FAM107B: variants seen among roughly 807,000 people sequenced by gnomAD.
The protein encoded by FAM107B is protein FAM107B.
FAM107B carries 21 observed loss-of-function variants against 31.5 expected under a neutral mutation model. The observed-to-expected ratio is 0.67, with a 90% CI of 0.47 to 0.96. The LOEUF is 0.96. Ranked by LOEUF, FAM107B falls within the 40% of genes least tolerant of loss-of-function variation. FAM107B has a pLI of 0.00. For synonymous variants in FAM107B, 157 were observed against 141.5 expected (o/e 1.11, Z -0.78); for missense variants, 452 against 377.1 (o/e 1.20, Z -1.64).
intron 2 of FAM107B, chr10:14,556,344 A>T (rs1849698443): frequency 2.0e-6 from 2 of 985,428 alleles, no homozygotes; most frequent in Non-Finnish European, 2.4e-6. Context: ...AATGCACAGA[A>T]GATCTAGAAA....
intron 1 of FAM107B, among the ~76,000 whole-genome samples, chr10:14,735,458 G>T (rs1430282711): frequency 6.6e-6 from 1 of 152,140 alleles, no homozygotes; most frequent in Non-Finnish European, 1.5e-5. Context: ...AAAGTCAATT[G>T]GTGGCCTCCA....
chr10:14,711,689 G>T (rs1855650589), intron 1 of FAM107B, among the ~76,000 whole-genome samples: 1 of 152,126 alleles, frequency 6.6e-6, no homozygotes, highest in African/African-American at 2.4e-5. Context: ...TGTCGCGCAG[G>T]CTGGGGTGCA....
At chr10:14,741,694 C>T (rs567906336) in intron 1 of FAM107B, among the ~76,000 whole-genome samples, 10 of 149,814 alleles carry the variant, frequency 6.7e-5, no homozygotes, top group Admixed American at 2.0e-4. Flanking sequence ...TTCCTCTCCT[C>T]GACTTTCCAT....
intron 2 of FAM107B, among the ~76,000 whole-genome samples, chr10:14,622,976 G>T (rs1425572441): frequency 6.6e-6 from 1 of 152,188 alleles, no homozygotes; most frequent in Non-Finnish European, 1.5e-5. Flanking sequence ...AATGTGGAGA[G>T]AATTGCAAAG....
intron 2 of FAM107B, among the ~76,000 whole-genome samples, chr10:14,650,889 A>G (rs1588683001): frequency 6.6e-6 from 1 of 152,136 alleles, no homozygotes; most frequent in African/African-American, 2.4e-5. Flanking sequence ...AATGCACTCT[A>G]CTCCAATTTT....
chr10:14,578,735 C>G (rs749233367), intron 2 of FAM107B, among the ~76,000 whole-genome samples: 19 of 152,174 alleles, frequency 1.2e-4, no homozygotes, highest in Non-Finnish European at 2.4e-4. Flanking sequence ...AAAAACAGAA[C>G]TATTTAAGAA....
intron 1 of FAM107B, among the ~76,000 whole-genome samples, chr10:14,748,317 A>C (rs1564286159): frequency 1.3e-5 from 2 of 152,168 alleles, no homozygotes; most frequent in Non-Finnish European, 2.9e-5. Context: ...GCTCTAATAG[A>C]GGGTAGTGGA....
intron 2 of FAM107B, among the ~76,000 whole-genome samples, chr10:14,587,680 G>A (rs1039236097): frequency 5.9e-5 from 9 of 152,278 alleles, no homozygotes; most frequent in African/African-American, 1.2e-4. Context: ...TTTGTTTCCT[G>A]TCCTTGTTTT....
intron 2 of FAM107B, among the ~76,000 whole-genome samples, chr10:14,573,959 T>C (rs10796205): frequency 1.3e-5 from 2 of 151,132 alleles, no homozygotes; most frequent in African/African-American, 2.4e-5. Context: ...TTATCTGCTC[T>C]TTCTCTCATA....
intron 2 of FAM107B, among the ~76,000 whole-genome samples, chr10:14,636,649 T>C (rs1402572591): frequency 6.6e-6 from 1 of 150,930 alleles, no homozygotes; most frequent in East Asian, 2.0e-4. Flanking sequence ...CAAACACAGT[T>C]ACATGGCGAA....
chr10:14,668,082 A>G (rs1854453062), intron 1 of FAM107B, among the ~76,000 whole-genome samples: 1 of 151,842 alleles, frequency 6.6e-6, no homozygotes, highest in Non-Finnish European at 1.5e-5. Context: ...TCACTCTGTC[A>G]CCAAGCTGGA....
chr10:14,759,846 C>T (rs2609815), intron 1 of FAM107B, among the ~76,000 whole-genome samples: 2 of 151,642 alleles, frequency 1.3e-5, no homozygotes, highest in Admixed American at 6.6e-5. Context: ...CGAGTGTCTG[C>T]GACTACAGGT....
chr10:14,697,839 C>T (rs1855302729), intron 1 of FAM107B, among the ~76,000 whole-genome samples: 1 of 152,114 alleles, frequency 6.6e-6, no homozygotes, highest in Non-Finnish European at 1.5e-5. Context: ...ATACAGATAC[C>T]AAGGGCTGGG....
chr10:14,661,669 A>AT (rs1273007007), intron 2 of FAM107B: 2 of 152,212 alleles, frequency 1.3e-5, no homozygotes, highest in Admixed American at 1.3e-4. Context: ...CCAATTCCTC[A>AT]TAATAAATCT....
At chr10:14,581,453 A>T (rs1047472864) in intron 2 of FAM107B, among the ~76,000 whole-genome samples, 12 of 152,236 alleles carry the variant, frequency 7.9e-5, no homozygotes, top group Non-Finnish European at 1.8e-4. Context: ...TCAGAGTTCC[A>T]GGCCACCAAA....
chr10:14,654,266 T>C (rs891532111), intron 2 of FAM107B, among the ~76,000 whole-genome samples: 2 of 152,212 alleles, frequency 1.3e-5, no homozygotes, highest in Admixed American at 6.5e-5. Flanking sequence ...AAAACACATC[T>C]ACAGCTGAGT....
At chr10:14,577,849 T>C (rs1200842734) in intron 2 of FAM107B, among the ~76,000 whole-genome samples, 2 of 152,226 alleles carry the variant, frequency 1.3e-5, no homozygotes, top group Admixed American at 6.5e-5. Flanking sequence ...GTCGTTTCTC[T>C]TTAAGATAAA....
chr10:14,750,068 G>A (rs1176703740), intron 1 of FAM107B, among the ~76,000 whole-genome samples: 1 of 152,168 alleles, frequency 6.6e-6, no homozygotes, highest in Non-Finnish European at 1.5e-5. Context: ...AGGGCACCAG[G>A]AAAAAATCAC....
intron 2 of FAM107B, among the ~76,000 whole-genome samples, chr10:14,556,915 G>A (rs963468598): frequency 1.3e-5 from 2 of 152,066 alleles, no homozygotes; most frequent in South Asian, 2.1e-4. Flanking sequence ...CAGTCTCTCC[G>A]CCACCTTGCT....
Sources: gnomAD v4.1 joint callset for allele counts (sites outside exome capture counted in the v4.1 genomes callset) on GRCh38, gnomAD v4.1.1 for gene constraint, MANE v1.5 for transcripts, NCBI Gene and HGNC (gene_info 2026-07-23, HGNC 2026-07-21) for gene names.